The following BLTP2 variants were observed in gnomAD, a reference collection of about 807,000 sequenced individuals.
BLTP2 encodes U937-associated antigen.
At chr17:28,621,156 C>A in the BLTP2 span, 1 of 1,613,840 alleles carries the variant, frequency 6.2e-7, no homozygotes, top group Non-Finnish European at 8.5e-7. Flanking sequence ...TGTGCCTCAG[C>A]TGGCTGGTTC....
At chr17:28,636,728 C>T in the BLTP2 span, among the ~76,000 whole-genome samples, 1 of 152,036 alleles carries the variant, frequency 6.6e-6, no homozygotes, top group Non-Finnish European at 1.5e-5. Context: ...TCTCATGAAA[C>T]CAGTTTCACA....
At chr17:28,620,367 T>C in the BLTP2 span, 2 of 953,160 alleles carry the variant, frequency 2.1e-6, no homozygotes, top group Non-Finnish European at 3.1e-6. Context: ...ATTTCAATTG[T>C]CACTGCCGAC....
At chr17:28,632,056 TG>T in the BLTP2 span, 2 of 1,612,342 alleles carry the variant, frequency 1.2e-6, no homozygotes, top group Non-Finnish European at 1.7e-6. Context: ...TACCTGCAGC[TG>T]GGGAAAGAGG....
At chr17:28,636,666 A>G in the BLTP2 span, among the ~76,000 whole-genome samples, 1 of 152,188 alleles carries the variant, frequency 6.6e-6, no homozygotes, top group Admixed American at 6.5e-5. Flanking sequence ...AATTCCACAA[A>G]AAGTTAAAAA....
the BLTP2 span, chr17:28,641,846 C>T: frequency 1.9e-5 from 29 of 1,550,774 alleles, no homozygotes; most frequent in African/African-American, 2.7e-5. Context: ...AAAACAAACC[C>T]TGAGAACAAG....
At chr17:28,636,433 T>C in the BLTP2 span, among the ~76,000 whole-genome samples, 1 of 152,250 alleles carries the variant, frequency 6.6e-6, no homozygotes, top group Non-Finnish European at 1.5e-5. Flanking sequence ...CACCAGATCA[T>C]TCTTTTTAAA....
At chr17:28,633,951 C>A in the BLTP2 span, 4 of 1,614,136 alleles carry the variant, frequency 2.5e-6, no homozygotes, top group Non-Finnish European at 3.4e-6. Context: ...TGCCACGTTA[C>A]CCCACGGAAG....
the BLTP2 span, chr17:28,620,644 A>G: frequency 6.2e-7 from 1 of 1,611,836 alleles, no homozygotes; most frequent in South Asian, 1.1e-5. Context: ...GATAATTGTT[A>G]GCAGCTAAAT....
chr17:28,616,195 G>A, the BLTP2 span: 111 of 1,613,698 alleles, frequency 6.9e-5, no homozygotes, highest in Middle Eastern at 1.2e-3. This position sits in a 1 kb window ranked among gnomAD's most constrained non-coding sequence, Gnocchi z 4.8. Flanking sequence ...CATCCACAGG[G>A]TGCTAAGAAA....
chr17:28,639,871 C>T, the BLTP2 span: 5 of 1,613,298 alleles, frequency 3.1e-6, no homozygotes, highest in South Asian at 3.3e-5. Context: ...CTCCCATTCT[C>T]GCTCAGTACC....
the BLTP2 span, among the ~76,000 whole-genome samples, chr17:28,634,273 G>A: frequency 6.6e-6 from 1 of 152,162 alleles, no homozygotes; most frequent in African/African-American, 2.4e-5. Flanking sequence ...TAAGGGCATA[G>A]CACTGAGATC....
At chr17:28,616,681 C>G in the BLTP2 span, 2 of 1,614,198 alleles carry the variant, frequency 1.2e-6, no homozygotes, top group Non-Finnish European at 1.7e-6. The surrounding 1 kb of genome is among the most constrained non-coding windows in gnomAD (Gnocchi z 4.8). Flanking sequence ...ACACTTCGGC[C>G]AGGAAAGAAA....
At chr17:28,635,408 G>A in the BLTP2 span, 30 of 1,614,076 alleles carry the variant, frequency 1.9e-5, no homozygotes, top group African/African-American at 6.7e-5. Flanking sequence ...TTTAGCAGCC[G>A]CTTTGGGGGT....
chr17:28,634,869 T>C, the BLTP2 span: 2 of 1,613,858 alleles, frequency 1.2e-6, no homozygotes, highest in Admixed American at 3.3e-5. Flanking sequence ...GCTGTAGTCT[T>C]TTGGCACTCT....
chr17:28,634,907 A>T, the BLTP2 span: 1 of 1,613,938 alleles, frequency 6.2e-7, no homozygotes, highest in Non-Finnish European at 8.5e-7. Flanking sequence ...ATCAGCTCGT[A>T]GTTATCATGA....
chr17:28,625,334 CAAAAA>C, the BLTP2 span, among the ~76,000 whole-genome samples: 123 of 29,050 alleles, frequency 4.2e-3, no homozygotes, highest in Middle Eastern at 0.029. Context: ...GACTCCGTCT[CAAAAA>C]AAAAAAAAAA....
the BLTP2 span, chr17:28,616,852 C>T: frequency 1.9e-6 from 3 of 1,605,062 alleles, no homozygotes; most frequent in Non-Finnish European, 8.5e-7. This position sits in a 1 kb window ranked among gnomAD's most constrained non-coding sequence, Gnocchi z 4.8. Context: ...TTTTGAATGT[C>T]CCTTGTTCCC....
chr17:28,619,895 G>GT, the BLTP2 span: 1 of 1,613,962 alleles, frequency 6.2e-7, no homozygotes, highest in South Asian at 1.1e-5. Flanking sequence ...TCCAGCTGTC[G>GT]TATTTGGGCC....
chr17:28,637,965 G>A, the BLTP2 span: 1 of 1,614,204 alleles, frequency 6.2e-7, no homozygotes, highest in Non-Finnish European at 8.5e-7. Flanking sequence ...GGACCCATCA[G>A]GGATAAGATA....
Sources: allele counts gnomAD v4.1 joint callset (sites outside exome capture counted in the v4.1 genomes callset), GRCh38; gene constraint gnomAD v4.1.1; non-coding constraint Gnocchi (gnomAD v3.1); transcripts MANE v1.5; gene names NCBI Gene and HGNC (gene_info 2026-07-23, HGNC 2026-07-21).